NTF3: variants seen among roughly 807,000 people sequenced by gnomAD.
NTF3 encodes neurotrophin-3.
A neutral mutation model predicts 26.3 loss-of-function variants in NTF3; 8 were observed. The observed-to-expected ratio is 0.30, with a 90% CI of 0.18 to 0.55. NTF3 has a LOEUF of 0.55. NTF3 is among the 20% of genes least tolerant of loss of function. The pLI is 0.93. For synonymous variants in NTF3, 154 were observed against 145.5 expected (o/e 1.06, Z -0.42); for missense variants, 276 against 352.9 (o/e 0.78, Z 1.75).
upstream of NTF3, among the ~76,000 whole-genome samples, chr12:5,431,581 G>A (rs1163628151): frequency 6.6e-6 from 1 of 151,986 alleles, no homozygotes; most frequent in African/African-American, 2.4e-5. Context: ...CTTGGTAGGG[G>A]GTGGGGAGAG....
At chr12:5,478,206 A>T (rs1334490191) in intron 1 of NTF3, among the ~76,000 whole-genome samples, 1 of 152,210 alleles carries the variant, frequency 6.6e-6, no homozygotes, top group African/African-American at 2.4e-5. Context: ...CAGTTCACAA[A>T]CATTGATTTG....
At chr12:5,483,329 T>C (rs1242753208) in intron 1 of NTF3, among the ~76,000 whole-genome samples, 2 of 152,198 alleles carry the variant, frequency 1.3e-5, no homozygotes, top group Non-Finnish European at 1.5e-5. Flanking sequence ...GACCCTCTTC[T>C]GGCGCACACC....
In NTF3 at chr12:5,459,485, G is replaced by T. The variant is rs548550512; in HGVS notation, c.18+27143G>T. On this transcript the variant is annotated intron_variant, in intron 1 of 1. Coordinates refer to ENST00000423158, the MANE Select transcript of NTF3 (RefSeq NM_001102654.2). The stretch of plus-strand genomic sequence containing the variant: ...CCTTCCCTTCACACCCCAGCAAGAG[G>T]CTATTTCCCAGGGGTCTTATAAGCA... Among the ~76,000 whole-genome samples the T allele has an allele frequency of 3.3e-5, 5 of 152,296 alleles. No individual in the cohort carries two copies. In the East Asian group the frequency reaches 5.8e-4, roughly 18 times the overall value.
At chr12:5,444,372 A>C (rs2121153993) in intron 1 of NTF3, among the ~76,000 whole-genome samples, 1 of 152,304 alleles carries the variant, frequency 6.6e-6, no homozygotes, top group South Asian at 2.1e-4. Flanking sequence ...CAAACCAACA[A>C]ATGTGGAGAG....
rs576251195 is a variant in NTF3 at position 5,494,429 on chromosome 12, C to T, written c.254C>T (p.Pro85Leu). Residue 85 changes from proline (P) to leucine (L), a missense_variant, in exon 2 of 2, where the codon CCG (proline) becomes CTG (leucine). By Grantham distance (98) the Pro-to-Leu change is moderately conservative (BLOSUM62 -3). Coordinates refer to ENST00000423158, the MANE Select transcript of NTF3 (RefSeq NM_001102654.2). This position sits in a 1 kb window ranked among gnomAD's most constrained non-coding sequence, Gnocchi z 8.3. ...TLPKAEAPRE[P>L]ERGGPAKSAF... ...CCCAAAGCTGAGGCTCCCCGAGAGC[C>T]GGAGCGGGGAGGGCCCGCCAAGTCA... is the stretch of plus-strand genomic sequence containing the variant. 5.0e-6 allele frequency: 8 copies of T among 1,611,126 alleles called. No individual in the cohort carries two copies. In the South Asian group the frequency reaches 6.6e-5, roughly 13 times the overall value.
chr12:5,433,231 G>A lies in NTF3; in HGVS notation c.18+889G>A, dbSNP rs1179095150. The A allele has an allele frequency of 1.3e-5, 2 of 152,264 alleles. No individual in the cohort carries two copies. The highest frequency in any genetic ancestry group is 3.9e-4 in the East Asian group (2 of 5,176). 9.4% of individuals were successfully genotyped at this position (152,264 alleles called of 1,614,324 possible). ...GGGGAGCGGCGGGCACCCGGGCCCG[G>A]CCATCCCAGGGGATCTCCTTGCGGT... On this transcript the variant is annotated intron_variant, in intron 1 of 1. Transcript: ENST00000423158. The surrounding 1 kb of genome is among the most constrained non-coding windows in gnomAD (Gnocchi z 4.6).
intron 1 of NTF3, among the ~76,000 whole-genome samples, chr12:5,466,739 C>T (rs1940594780): frequency 6.6e-6 from 1 of 152,170 alleles, no homozygotes; most frequent in Non-Finnish European, 1.5e-5. Context: ...AATGAAAATT[C>T]CTCCACTTCA....
chr12:5,439,076 A>T (rs2121141136), intron 1 of NTF3, among the ~76,000 whole-genome samples: 1 of 152,310 alleles, frequency 6.6e-6, no homozygotes, highest in East Asian at 1.9e-4. Context: ...GGGTGTGCAG[A>T]GCTGAAAGGG....
intron 1 of NTF3, among the ~76,000 whole-genome samples, chr12:5,443,436 C>T (rs1940264638): frequency 6.6e-6 from 1 of 152,090 alleles, no homozygotes; most frequent in South Asian, 2.1e-4. Flanking sequence ...GAGAGAATTT[C>T]CCCAGGGGAG....
intron 1 of NTF3, among the ~76,000 whole-genome samples, chr12:5,477,539 G>A (rs1328709327): frequency 2.0e-5 from 3 of 152,204 alleles, no homozygotes; most frequent in Non-Finnish European, 4.4e-5. Flanking sequence ...GCAGGGTTCA[G>A]GTAAGTTGTG....
chr12:5,443,067 C>A (rs1198872753), intron 1 of NTF3, among the ~76,000 whole-genome samples: 2 of 152,150 alleles, frequency 1.3e-5, no homozygotes, highest in Non-Finnish European at 2.9e-5. Context: ...CAATATGGGT[C>A]TCCTTTTAGC....
chr12:5,484,206 T>A (rs1940840949), intron 1 of NTF3, among the ~76,000 whole-genome samples: 1 of 152,214 alleles, frequency 6.6e-6, no homozygotes. Context: ...ATGGATTGAT[T>A]GGTTTTGGGC....
chr12:5,481,532 ACAT>A, intron 1 of NTF3, among the ~76,000 whole-genome samples: 1 of 123,458 alleles, frequency 8.1e-6, no homozygotes. Flanking sequence ...ACACACAGAC[ACAT>A]TCACAGAATA....
intron 1 of NTF3, among the ~76,000 whole-genome samples, chr12:5,449,673 A>G (rs1940349563): frequency 6.6e-6 from 1 of 152,200 alleles, no homozygotes; most frequent in South Asian, 2.1e-4. Context: ...GAAAAGCGCT[A>G]ACAAGCCATC....
At chr12:5,492,451 AT>A (rs1317842379) in intron 1 of NTF3, among the ~76,000 whole-genome samples, 4 of 152,158 alleles carry the variant, frequency 2.6e-5, no homozygotes, top group African/African-American at 4.8e-5. Flanking sequence ...TGTATGCCAT[AT>A]TTTTTGTATT....
chr12:5,475,950 G>T (rs1267237804), intron 1 of NTF3, among the ~76,000 whole-genome samples: 1 of 151,980 alleles, frequency 6.6e-6, no homozygotes, highest in Non-Finnish European at 1.5e-5. Context: ...GAAAAGAGAA[G>T]AAAAGACAAG....
At chr12:5,467,247 A>AAAAAAAG in intron 1 of NTF3, among the ~76,000 whole-genome samples, 1 of 150,190 alleles carries the variant, frequency 6.7e-6, no homozygotes, top group Non-Finnish European at 1.5e-5. Context: ...AAAAAAAAAA[A>AAAAAAAG]AAAAAAAAAA....
At chr12:5,450,692 G>T (rs1940361958) in intron 1 of NTF3, among the ~76,000 whole-genome samples, 1 of 152,174 alleles carries the variant, frequency 6.6e-6, no homozygotes, top group African/African-American at 2.4e-5. Flanking sequence ...CAATGAAATA[G>T]CAATTTTATT....
intron 1 of NTF3, among the ~76,000 whole-genome samples, chr12:5,457,855 GTC>G (rs1242288905): frequency 2.6e-5 from 4 of 152,140 alleles, no homozygotes; most frequent in African/African-American, 4.8e-5. Flanking sequence ...ACCTCAGCTT[GTC>G]TCTCTGTCAT....
Sources: gnomAD v4.1 joint callset for allele counts (sites outside exome capture counted in the v4.1 genomes callset) on GRCh38, gnomAD v4.1.1 for gene constraint, Gnocchi (gnomAD v3.1) non-coding constraint, MANE v1.5 for transcripts, NCBI Gene and HGNC (gene_info 2026-07-23, HGNC 2026-07-21) for gene names.